GRIN3A: variants seen among roughly 807,000 people sequenced by gnomAD.
GRIN3A encodes glutamate receptor ionotropic, NMDA 3A.
In GRIN3A, 47 loss-of-function variants were observed where a neutral mutation model predicts 92.4. That is an observed-to-expected ratio of 0.51 (90% CI 0.40 to 0.65). The LOEUF is 0.65. Ranked by LOEUF, GRIN3A falls within the 30% of genes least tolerant of loss-of-function variation. GRIN3A has a pLI of 0.00. For missense variants in GRIN3A, 1,324 were observed against 1,393.1 expected, an observed-to-expected ratio of 0.95 and a Z score of 0.79; for synonymous variants, 527 against 540.6, an observed-to-expected ratio of 0.97 and a Z score of 0.35.
At chr9:101,631,898 A>G (rs1308970481) in intron 3 of GRIN3A, among the ~76,000 whole-genome samples, 1 of 152,070 alleles carries the variant, frequency 6.6e-6, no homozygotes, top group East Asian at 1.9e-4. Flanking sequence ...TTCCTTTCTG[A>G]TCCACTCAGA....
intron 1 of GRIN3A, among the ~76,000 whole-genome samples, chr9:101,701,911 C>G (rs1829760147): frequency 6.6e-6 from 1 of 152,166 alleles, no homozygotes; most frequent in Admixed American, 6.5e-5. Context: ...CACCAGCTTA[C>G]AGATATTCTT....
chr9:101,673,729 T>C (rs918465737), intron 2 of GRIN3A, among the ~76,000 whole-genome samples: 4 of 152,120 alleles, frequency 2.6e-5, no homozygotes, highest in Non-Finnish European at 5.9e-5. Flanking sequence ...AGGAGAAAAA[T>C]CAGGAATAGT....
chr9:101,641,984 T>C (rs911695567), intron 3 of GRIN3A, among the ~76,000 whole-genome samples: 1 of 152,142 alleles, frequency 6.6e-6, no homozygotes, highest in Non-Finnish European at 1.5e-5. Context: ...AAAAAGTTGA[T>C]GATTTTGTAA....
chr9:101,651,167 A>G (rs1158312441), intron 3 of GRIN3A, among the ~76,000 whole-genome samples: 1 of 152,012 alleles, frequency 6.6e-6, no homozygotes, highest in African/African-American at 2.4e-5. Flanking sequence ...TGTTTCAGGC[A>G]TATTTCTGAT....
At chr9:101,694,064 C>A (rs2152868) in intron 1 of GRIN3A, among the ~76,000 whole-genome samples, 120,213 of 152,072 alleles carry the variant, frequency 0.79, 47,987 homozygotes, top group African/African-American at 0.87. Context: ...CAGGATTATC[C>A]CTGCATGGTG....
chr9:101,683,185 A>G (rs1207128037), intron 2 of GRIN3A, among the ~76,000 whole-genome samples: 1 of 152,328 alleles, frequency 6.6e-6, no homozygotes, highest in East Asian at 1.9e-4. Context: ...TGACTTTTCT[A>G]ATCTGAAAGC....
At chr9:101,722,926 G>A (rs1209430844) in intron 1 of GRIN3A, among the ~76,000 whole-genome samples, 1 of 152,152 alleles carries the variant, frequency 6.6e-6, no homozygotes, top group East Asian at 1.9e-4. Flanking sequence ...GGGACTGTAG[G>A]GAAGGCATAA....
intron 3 of GRIN3A, among the ~76,000 whole-genome samples, chr9:101,643,378 A>G (rs887465879): frequency 6.6e-6 from 1 of 152,096 alleles, no homozygotes; most frequent in African/African-American, 2.4e-5. Context: ...TAAGATGACT[A>G]TTATCAAAAG....
intron 6 of GRIN3A, among the ~76,000 whole-genome samples, chr9:101,580,488 C>T (rs760317422): frequency 6.6e-6 from 1 of 152,022 alleles, no homozygotes; most frequent in Non-Finnish European, 1.5e-5. Context: ...AAGGAAAGAA[C>T]GTCCCTCAGG....
At position 101,686,896 on chromosome 9, in the gene GRIN3A, A is replaced by T. The variant is rs374756055; in HGVS notation, c.1004T>A (p.Ile335Asn). 3 of 1,614,108 alleles carry T rather than the reference A, an allele frequency of 1.9e-6. No homozygotes were observed. In the African/African-American group the frequency reaches 4.0e-5, roughly 22 times the overall value. ...VVMFGCDMES[I>N]RRIFEITTQF... ...GGTTGTAATTTCGAAAATCCGCCGG[A>T]TACTTTCCATGTCGCAGCCAAACAT... is the stretch of plus-strand genomic sequence containing the variant. The change falls in exon 2 of 9, where the codon ATC becomes AAC. Residue 335 changes from isoleucine (I) to asparagine (N), a missense_variant. Transcript: ENST00000361820.
At chr9:101,712,736 C>G (rs1373239490) in intron 1 of GRIN3A, among the ~76,000 whole-genome samples, 1 of 152,106 alleles carries the variant, frequency 6.6e-6, no homozygotes. Context: ...GCACAAACTA[C>G]CAGCTAGTGG....
chr9:101,652,051 A>G (rs1259934145), intron 3 of GRIN3A, among the ~76,000 whole-genome samples: 1 of 152,058 alleles, frequency 6.6e-6, no homozygotes, highest in Non-Finnish European at 1.5e-5. Flanking sequence ...AGATAACTAC[A>G]GAACATTTAA....
At chr9:101,594,385 GGGT>G (rs1335699680) in intron 6 of GRIN3A, 1 of 1,565,438 alleles carries the variant, frequency 6.4e-7, no homozygotes, top group Non-Finnish European at 8.7e-7. Context: ...AGAAGTTGTT[GGGT>G]GGTGCTTGTA....
intron 2 of GRIN3A, among the ~76,000 whole-genome samples, chr9:101,684,121 T>TCTTTCTTTCTTTCTTTC (rs200501871): frequency 6.7e-6 from 1 of 149,116 alleles, no homozygotes; most frequent in African/African-American, 2.5e-5. Context: ...TTTCTTTCTT[T>TCTTTCTTTCTTTCTTTC]TTTTTTTTGT....
chr9:101,723,771 G>A (rs375586799), intron 1 of GRIN3A, among the ~76,000 whole-genome samples: 2 of 151,622 alleles, frequency 1.3e-5, no homozygotes, highest in African/African-American at 2.4e-5. Context: ...ACAGAGTGTC[G>A]ATTGGTGCAT....
intron 6 of GRIN3A, among the ~76,000 whole-genome samples, chr9:101,599,064 G>A (rs1828177858): frequency 6.6e-6 from 1 of 152,190 alleles, no homozygotes; most frequent in South Asian, 2.1e-4. Context: ...TAAATAGTTG[G>A]TTCCAGCCTC....
At chr9:101,697,855 A>G (rs1227429255) in intron 1 of GRIN3A, among the ~76,000 whole-genome samples, 1 of 152,182 alleles carries the variant, frequency 6.6e-6, no homozygotes, top group Admixed American at 6.5e-5. Context: ...TCCATCTTCA[A>G]TATAATTTTT....
In GRIN3A at chr9:101,737,429, A is replaced by T; in HGVS notation, c.551T>A (p.Val184Glu). 1 of 1,614,260 alleles carries T rather than the reference A, an allele frequency of 6.2e-7. No homozygotes were observed. Residue 184 changes from valine (V) to glutamate (E), a missense_variant, in exon 1 of 9, where the codon GTG becomes GAG. By Grantham distance (121) the Val-to-Glu change is moderately radical. Coordinates refer to ENST00000361820, the MANE Select transcript of GRIN3A (RefSeq NM_133445.3). ...CCCTTGCACCACCACGGTATGGCAC[A>T]CACTTTGCAGGAAGGAGAAAGGGTC... ...SSDPFSFLQS[V>E]CHTVVVQGVS...
intron 8 of GRIN3A, among the ~76,000 whole-genome samples, chr9:101,576,477 G>A (rs1827829105): frequency 6.6e-6 from 1 of 152,120 alleles, no homozygotes; most frequent in African/African-American, 2.4e-5. Flanking sequence ...GACACAAATG[G>A]TTTTCAATTT....
Sources: gnomAD v4.1 joint callset for allele counts (sites outside exome capture counted in the v4.1 genomes callset) on GRCh38, gnomAD v4.1.1 for gene constraint, MANE v1.5 for transcripts, NCBI Gene and HGNC (gene_info 2026-07-23, HGNC 2026-07-21) for gene names.